The following OS9 variants were observed in gnomAD, a reference collection of about 807,000 sequenced individuals.
OS9 encodes OS9 endoplasmic reticulum lectin, also known as protein OS-9.
OS9 carries 58 observed loss-of-function variants against 84.7 expected under a neutral mutation model. The observed-to-expected ratio is 0.68, with a 90% CI of 0.55 to 0.85. The LOEUF is 0.85. OS9 is among the 40% of genes least tolerant of loss of function. The pLI is 0.00. For missense variants in OS9, 760 were observed against 850.9 expected (o/e 0.89, Z 1.33); for synonymous variants, 278 against 320.8 (o/e 0.87, Z 1.43).
At chr12:57,719,882 AG>A in intron 12 of OS9, 1 of 492,662 alleles carries the variant, frequency 2.0e-6, no homozygotes, top group Non-Finnish European at 3.6e-6. Context: ...ATTATTGGGT[AG>A]GGCGGGAAGA....
chr12:57,697,937 A>AAG (rs1953911533), intron 5 of OS9, among the ~76,000 whole-genome samples: 1 of 146,416 alleles, frequency 6.8e-6, no homozygotes, highest in African/African-American at 2.6e-5. Context: ...ACACACACAC[A>AAG]CACACACACA....
At chr12:57,697,908 AAC>A (rs1265642283) in intron 5 of OS9, among the ~76,000 whole-genome samples, 1 of 75,164 alleles carries the variant, frequency 1.3e-5, no homozygotes, top group Non-Finnish European at 2.7e-5. Context: ...AACATAAGCA[AAC>A]ACACACACAC....
Position 57,716,126 on chromosome 12 carries a change from G to A in OS9, c.825G>A (p.Glu275=). The A allele has an allele frequency of 6.2e-7, 1 of 1,613,690 alleles. No individual in the cohort carries two copies. The highest frequency in any genetic ancestry group is 1.1e-5 in the South Asian group (1 of 91,072). Residue 275 remains glutamate, a synonymous_variant, in exon 7 of 15, where the codon GAG becomes GAA. Coordinates refer to ENST00000315970, the MANE Select transcript of OS9 (RefSeq NM_006812.4). ...SKQYGDKIIE[E]LQDLGPQVWS... ...AGTATGGAGATAAAATCATAGAGGA[G>A]CTGCAAGATCTAGGCCCCCAAGTGT...
At chr12:57,698,424 A>C (rs1417403644) in intron 5 of OS9, among the ~76,000 whole-genome samples, 1 of 152,214 alleles carries the variant, frequency 6.6e-6, no homozygotes, top group Non-Finnish European at 1.5e-5. Context: ...CCAAGCACTA[A>C]TAGAAACTAG....
At chr12:57,703,287 A>AAATTTTTT (rs2140303585) in intron 5 of OS9, among the ~76,000 whole-genome samples, 1 of 151,860 alleles carries the variant, frequency 6.6e-6, no homozygotes, top group South Asian at 2.1e-4. Flanking sequence ...TTTCTTAGAG[A>AAATTTTTT]TGGGGGTCTC....
At position 57,718,725 on chromosome 12, in the gene OS9, C is replaced by T. The variant is rs575481310; in HGVS notation, c.1411-268C>T. On this transcript the variant is annotated intron_variant, in intron 11 of 14. Coordinates refer to ENST00000315970, the MANE Select transcript of OS9 (RefSeq NM_006812.4). ...TTCAAGACCAGCCTGGCCAACATGG[C>T]GAAACCCTCTCTACTAAAAATGCAA... 1.9e-4 allele frequency among the ~76,000 whole-genome samples: 29 copies of T among 152,186 alleles called. No homozygotes were observed. In the South Asian group the frequency reaches 5.0e-3, roughly 26 times the overall value.
chr12:57,718,468 G>C (rs768786685), intron 11 of OS9, 47 bp downstream of exon 11: 4 of 1,584,978 alleles, frequency 2.5e-6, no homozygotes, highest in Admixed American at 1.7e-5. Context: ...GCCTGGTCCC[G>C]TGGAGCAGGA....
At chr12:57,706,603 A>G (rs1954174440) in intron 5 of OS9, among the ~76,000 whole-genome samples, 2 of 151,968 alleles carry the variant, frequency 1.3e-5, no homozygotes, top group South Asian at 2.1e-4. Context: ...TGTAATCCCA[A>G]CACTTTGGGA....
At chr12:57,717,232 A>G (rs1595064035) in intron 9 of OS9, among the ~76,000 whole-genome samples, 1 of 152,212 alleles carries the variant, frequency 6.6e-6, no homozygotes, top group Non-Finnish European at 1.5e-5. Context: ...GTTAGCATCC[A>G]TCTCTCCTAC....
intron 11 of OS9, 60 bp from the exon 12 acceptor site, chr12:57,718,933 C>T (rs1954593083): frequency 1.6e-6 from 2 of 1,256,736 alleles, no homozygotes; most frequent in South Asian, 1.3e-5. Context: ...CAGAGCCCAG[C>T]CCGCTGGCTG....
chr12:57,718,028 C>T (rs1372983255), intron 10 of OS9, 70 bp downstream of exon 10: 6 of 1,528,706 alleles, frequency 3.9e-6, no homozygotes, highest in Non-Finnish European at 5.4e-6. Flanking sequence ...ACTACCCTGA[C>T]CTGGGACTCA....
At position 57,695,749 on chromosome 12, in the gene OS9, T is replaced by C. The variant is rs371034414; in HGVS notation, c.340-31T>C. 44 of 1,446,064 alleles carry C rather than the reference T, an allele frequency of 3.0e-5. No individual in the cohort carries two copies. The African/African-American group carries it at 3.9e-4, about 13-fold the overall frequency. 89.6% of individuals were successfully genotyped at this position (1,446,064 alleles called of 1,614,324 possible). A position where few individuals can be genotyped will look rare whatever the true frequency, so the allele number is the denominator to read the frequency against. ...TCCAAGAAAAGATGTCTGCACTCCATCCCCCTGATTGTTTATTTTTTAATT... is the reference window on the plus strand; with the variant it reads ...TCCAAGAAAAGATGTCTGCACTCCACCCCCCTGATTGTTTATTTTTTAATT... On this transcript the variant is annotated intron_variant, in intron 2 of 14. Coordinates refer to ENST00000315970, the MANE Select transcript of OS9 (RefSeq NM_006812.4).
At chr12:57,703,656 T>C (rs981164434) in intron 5 of OS9, among the ~76,000 whole-genome samples, 3 of 152,222 alleles carry the variant, frequency 2.0e-5, no homozygotes, top group Admixed American at 2.0e-4. Context: ...TTATAGTAGC[T>C]TTGTATTAAG....
chr12:57,701,585 G>A (rs1004553243), intron 5 of OS9, among the ~76,000 whole-genome samples: 2 of 150,760 alleles, frequency 1.3e-5, no homozygotes, highest in Non-Finnish European at 3.0e-5. Context: ...CTGGTTGAGT[G>A]ATTTTAATGT....
chr12:57,698,326 T>C (rs1301861548), intron 5 of OS9, among the ~76,000 whole-genome samples: 1 of 152,176 alleles, frequency 6.6e-6, no homozygotes, highest in African/African-American at 2.4e-5. Context: ...ATTCTAGTTA[T>C]TCGTTTGGGT....
chr12:57,694,319 G>A lies in OS9; in HGVS notation c.158G>A (p.Gly53Glu). 2.5e-6 allele frequency: 4 copies of A among 1,614,128 alleles called. No homozygotes were observed. The highest frequency in any genetic ancestry group is 2.7e-5 in the African/African-American group (2 of 75,008). The change falls in exon 1 of 15, where the codon GGG becomes GAG. Residue 53 changes from glycine (G) to glutamate (E), a missense_variant. Coordinates refer to ENST00000315970, the MANE Select transcript of OS9 (RefSeq NM_006812.4). ...ATCCTGCCGTTGCCTGTCATGGGAG[G>A]GCAGGTGAGAGGCGTATAAGGGGCG... ...IEILPLPVMG[G>E]QSQSSDVVIV... is the part of the protein sequence containing the mutation.
intron 5 of OS9, among the ~76,000 whole-genome samples, chr12:57,709,600 G>A (rs1056195963): frequency 1.3e-5 from 2 of 152,126 alleles, no homozygotes; most frequent in Non-Finnish European, 2.9e-5. Context: ...AGTTCAAGAT[G>A]CTCACCGTAT....
At chr12:57,694,375 A>C (rs759519046) in intron 1 of OS9, 52 bp downstream of exon 1, 8 of 1,584,052 alleles carry the variant, frequency 5.1e-6, no homozygotes, top group Non-Finnish European at 6.9e-6. Flanking sequence ...AGCGGGTAAG[A>C]GATAGAGGAA....
At position 57,701,178 on chromosome 12, in the gene OS9, T is replaced by C. The variant is rs572424146; in HGVS notation, c.579+4805T>C. ...TAGATAGTGTTTTGTGTTTTAAAAT[T>C]ATACATCAGGAGTATCAACTTGTTT... is the stretch of plus-strand genomic sequence containing the variant. On this transcript the variant is annotated intron_variant, in intron 5 of 14. Transcript: ENST00000315970. 3.3e-5 allele frequency among the ~76,000 whole-genome samples: 5 copies of C among 152,062 alleles called. No homozygotes were observed. In the East Asian group the frequency reaches 7.7e-4, roughly 24 times the overall value.
Sources: gnomAD v4.1 joint callset for allele counts (sites outside exome capture counted in the v4.1 genomes callset) on GRCh38, gnomAD v4.1.1 for gene constraint, MANE v1.5 for transcripts, NCBI Gene and HGNC (gene_info 2026-07-23, HGNC 2026-07-21) for gene names.